GSE1: variants seen among roughly 807,000 people sequenced by gnomAD.
The protein encoded by GSE1 is genetic suppressor element 1.
In GSE1, 32 loss-of-function variants were observed where a neutral mutation model predicts 112.6. The ratio of observed to expected loss-of-function variants is 0.28; its 90% CI spans 0.21 to 0.38. The LOEUF (loss-of-function observed/expected upper bound fraction) is 0.38, where lower values mean the gene tolerates loss of function less well. Among genes scored for constraint, GSE1 ranks in the 10% least tolerant of loss-of-function variants. The probability of loss-of-function intolerance (pLI) is 1.00; values close to 1 mark genes in which losing one functional copy is unlikely to be tolerated. For synonymous variants in GSE1, 1,115 were observed against 735.6 expected, an observed-to-expected ratio of 1.52 and a Z score of -8.35; for missense variants, 2,348 against 1,699.2, an observed-to-expected ratio of 1.38 and a Z score of -6.71.
intron 2 of GSE1, among the ~76,000 whole-genome samples, chr16:85,501,387 C>CTTTT (rs748089415): frequency 1.5e-5 from 2 of 129,518 alleles, no homozygotes; most frequent in Non-Finnish European, 3.3e-5. Flanking sequence ...AGGACTTCAC[C>CTTTT]TTTTTTTTTT....
intron 2 of GSE1, among the ~76,000 whole-genome samples, chr16:85,396,478 G>T (rs1290107250): frequency 6.6e-6 from 1 of 152,242 alleles, no homozygotes; most frequent in African/African-American, 2.4e-5. Context: ...TTCCATGCTG[G>T]GTGGAGGAGC....
intron 2 of GSE1, among the ~76,000 whole-genome samples, chr16:85,447,053 C>A: frequency 6.6e-6 from 1 of 152,196 alleles, no homozygotes; most frequent in East Asian, 1.9e-4. Context: ...GGACACAAAG[C>A]AGCCTGCCCT....
intron 2 of GSE1, among the ~76,000 whole-genome samples, chr16:85,432,760 A>T (rs906573924): frequency 6.6e-6 from 1 of 152,092 alleles, no homozygotes; most frequent in Non-Finnish European, 1.5e-5. Flanking sequence ...CCCCCAGTTG[A>T]CAGATAGGAA....
At chr16:85,346,486 G>C (rs2046741993) in intron 1 of GSE1, among the ~76,000 whole-genome samples, 1 of 151,398 alleles carries the variant, frequency 6.6e-6, no homozygotes, top group Non-Finnish European at 1.5e-5. Context: ...ATGGATGGAT[G>C]ATGGACAGGT....
chr16:85,442,820 G>T (rs188044153), intron 2 of GSE1, among the ~76,000 whole-genome samples: 4 of 152,190 alleles, frequency 2.6e-5, no homozygotes, highest in Admixed American at 1.3e-4. Flanking sequence ...CATCTCTCAC[G>T]GTTCCAGAGG....
chr16:85,369,382 A>C (rs2054700), intron 2 of GSE1, among the ~76,000 whole-genome samples: 27,578 of 151,666 alleles, frequency 0.18, 2,717 homozygotes, highest in South Asian at 0.25. Context: ...ATTCCTGCTT[A>C]ATGTTTGTAT....
At chr16:85,249,029 C>T (rs551188132) in intron 1 of GSE1, among the ~76,000 whole-genome samples, 46 of 152,318 alleles carry the variant, frequency 3.0e-4, no homozygotes, top group Admixed American at 1.8e-3. Flanking sequence ...AGCTCCCAGG[C>T]GATGTCTTCA....
At chr16:85,184,153 TG>T (rs973307487) in intron 1 of GSE1, among the ~76,000 whole-genome samples, 1 of 152,190 alleles carries the variant, frequency 6.6e-6, no homozygotes, top group Non-Finnish European at 1.5e-5. Context: ...GAATTCTGCC[TG>T]GGGAGTTCTG....
At chr16:85,235,849 G>A (rs1489925060) in intron 1 of GSE1, among the ~76,000 whole-genome samples, 1 of 151,964 alleles carries the variant, frequency 6.6e-6, no homozygotes, top group Admixed American at 6.5e-5. Context: ...CGCCGGGGCA[G>A]CTGTTCGCGA....
intron 2 of GSE1, among the ~76,000 whole-genome samples, chr16:85,509,437 G>A (rs1367085995): frequency 1.3e-5 from 2 of 152,222 alleles, no homozygotes; most frequent in African/African-American, 2.4e-5. Context: ...GTACAGATAC[G>A]AGGAGGCCAA....
intron 1 of GSE1, among the ~76,000 whole-genome samples, chr16:85,330,941 A>G (rs1028114980): frequency 2.0e-5 from 3 of 151,952 alleles, no homozygotes; most frequent in Non-Finnish European, 4.4e-5. Context: ...GGGAGCTGTT[A>G]ATGGCTCACA....
At chr16:85,556,397 C>T (rs2045212772) in intron 1 of GSE1, 1 of 970,920 alleles carries the variant, frequency 1.0e-6, no homozygotes, top group Non-Finnish European at 1.2e-6. Context: ...GGGTCCCGCG[C>T]GGCGCCGGCG....
chr16:85,256,674 C>A (rs559378484), intron 1 of GSE1, among the ~76,000 whole-genome samples: 1 of 152,396 alleles, frequency 6.6e-6, no homozygotes, highest in South Asian at 2.1e-4. Context: ...CAGCTCAGAC[C>A]CCATGTCTGT....
At chr16:85,538,047 T>C (rs1186444929) in intron 2 of GSE1, among the ~76,000 whole-genome samples, 3 of 152,166 alleles carry the variant, frequency 2.0e-5, no homozygotes, top group African/African-American at 4.8e-5. Context: ...CTGGGCACCA[T>C]TTCCCACTGG....
intron 2 of GSE1, among the ~76,000 whole-genome samples, chr16:85,453,798 G>C (rs1430253146): frequency 2.0e-5 from 3 of 152,178 alleles, no homozygotes; most frequent in African/African-American, 4.8e-5. Context: ...GCTCTGGGCG[G>C]ACCCCCAGGT....
intron 1 of GSE1, among the ~76,000 whole-genome samples, chr16:85,297,301 C>T (rs2045395722): frequency 6.6e-6 from 1 of 151,114 alleles, no homozygotes; most frequent in Admixed American, 6.6e-5. Context: ...CTCAGGCCCA[C>T]CAGTGAAGTG....
At chr16:85,203,753 T>C (rs930283780) in intron 1 of GSE1, among the ~76,000 whole-genome samples, 11 of 152,200 alleles carry the variant, frequency 7.2e-5, no homozygotes, top group Non-Finnish European at 1.5e-4. Flanking sequence ...ACTTTACTTA[T>C]TTGAGACAGG....
At chr16:85,671,127 A>C in intron 15 of GSE1, 29 bp downstream of exon 15, 2 of 1,266,536 alleles carry the variant, frequency 1.6e-6, no homozygotes, top group Non-Finnish European at 2.3e-6. Context: ...GAAACCTTCA[A>C]ACACGCAACC....
chr16:85,452,753 C>T (rs1258817634), intron 2 of GSE1, among the ~76,000 whole-genome samples: 3 of 152,254 alleles, frequency 2.0e-5, no homozygotes, highest in Admixed American at 6.5e-5. Flanking sequence ...CCCTGGTGGG[C>T]GGTGCAGAAC....
Sources: allele counts gnomAD v4.1 joint callset (sites outside exome capture counted in the v4.1 genomes callset), GRCh38; gene constraint gnomAD v4.1.1; transcripts MANE v1.5; gene names NCBI Gene and HGNC (gene_info 2026-07-23, HGNC 2026-07-21).